The following CFAP99 variants were observed in gnomAD, a reference collection of about 807,000 sequenced individuals.
CFAP99 encodes cilia and flagella associated protein 99.
CFAP99 carries 84 observed loss-of-function variants against 82.7 expected under a neutral mutation model. The ratio of observed to expected loss-of-function variants is 1.02; its 90% CI spans 0.85 to 1.22. The LOEUF is 1.22. Among genes scored for constraint, CFAP99 ranks in the 50% most tolerant of loss-of-function variants. CFAP99 has a pLI of 0.00. For missense variants in CFAP99, 1,059 were observed against 983.5 expected (o/e 1.08, Z -1.03); for synonymous variants, 456 against 429.5 (o/e 1.06, Z -0.76).
rs368453490 is a variant in CFAP99, at chr4:2,460,257, C to T, written c.1661+15C>T. The T allele has an allele frequency of 2.0e-5, 30 of 1,534,812 alleles. No homozygotes were observed. The East Asian group carries it at 5.1e-4, about 26-fold the overall frequency. On this transcript the variant is annotated intron_variant, in intron 14 of 14. Transcript: ENST00000635017. Reference sequence around the variant, plus strand: ...GCAGCCTTGAGGTTGGTACTGGGCTCGGGGAGGGTGCCTCTGGGTGGACAG... The same window carrying T: ...GCAGCCTTGAGGTTGGTACTGGGCTTGGGGAGGGTGCCTCTGGGTGGACAG...
intron 1 of CFAP99, among the ~76,000 whole-genome samples, chr4:2,425,710 C>G (rs1733668394): frequency 6.6e-6 from 1 of 152,174 alleles, no homozygotes; most frequent in South Asian, 2.1e-4. Flanking sequence ...CTGACAGGCC[C>G]CGCCTCCTCT....
intron 4 of CFAP99, among the ~76,000 whole-genome samples, chr4:2,440,717 C>T (rs893472260): frequency 6.6e-5 from 10 of 151,828 alleles, no homozygotes; most frequent in Non-Finnish European, 1.3e-4. Context: ...CTCAGCCTCC[C>T]GAGTAGCTGG....
chr4:2,459,120 C>G, exon 13 of CFAP99: 1 of 1,521,084 alleles, frequency 6.6e-7, no homozygotes, highest in Non-Finnish European at 8.8e-7. Context: ...AGGAGGCGAT[C>G]GAGGAGAGCA....
At chr4:2,440,031 AG>A (rs1368414134) in intron 4 of CFAP99, among the ~76,000 whole-genome samples, 1 of 151,504 alleles carries the variant, frequency 6.6e-6, no homozygotes, top group Non-Finnish European at 1.5e-5. Flanking sequence ...TAGTAGAGAC[AG>A]GGTTTCACCA....
chr4:2,451,075 C>A lies in CFAP99; in HGVS notation c.867+57C>A, dbSNP rs1206610832. On this transcript the variant is annotated intron_variant, in intron 9 of 14. Coordinates refer to ENST00000635017, the Ensembl canonical transcript of CFAP99. ...CTCCCTGGGCACCCACCCCTCCAGA[C>A]CTTTTCTGCCCGTAGAGGCTCAGAT... 8.0e-5 allele frequency: 120 copies of A among 1,504,080 alleles called. 1 individual carries two copies. The highest frequency in any genetic ancestry group is 4.3e-5 in the Non-Finnish European group (48 of 1,118,014). 93.2% of individuals were successfully genotyped at this position (1,504,080 alleles called of 1,614,324 possible).
Position 2,440,702 on chromosome 4 carries a change from C to T in CFAP99, c.352-2428C>T, listed in dbSNP as rs113814009. Among the ~76,000 whole-genome samples, 530 of 152,030 alleles carry T rather than the reference C, an allele frequency of 3.5e-3. 2 individuals carry two copies. Among genetic ancestry groups the T allele is most frequent in the Non-Finnish European group, 6.5e-3 (439 of 68,006 alleles). The stretch of plus-strand genomic sequence containing the variant: ...CTGCCTCCCAGGTTCATGCCATTCT[C>T]CTGCCTCAGCCTCCCGAGTAGCTGG... On this transcript the variant is annotated intron_variant, in intron 4 of 14. Transcript: ENST00000635017.
intron 2 of CFAP99, among the ~76,000 whole-genome samples, chr4:2,434,110 C>T (rs1027192786): frequency 1.3e-5 from 2 of 152,172 alleles, no homozygotes; most frequent in East Asian, 1.9e-4. Context: ...TTTACTGCGC[C>T]GCAAGGTTGG....
At chr4:2,429,433 C>T (rs1417312837) in intron 2 of CFAP99, among the ~76,000 whole-genome samples, 3 of 152,142 alleles carry the variant, frequency 2.0e-5, no homozygotes, top group African/African-American at 7.2e-5. Flanking sequence ...TGTGCATTTC[C>T]ACGGGGAGCC....
exon 11 of CFAP99, chr4:2,452,215 G>T: frequency 6.5e-7 from 1 of 1,536,164 alleles, no homozygotes; most frequent in South Asian, 1.2e-5. Context: ...GCAGGCGAAG[G>T]ACCGGGAGGA....
At position 2,451,370 on chromosome 4, in the gene CFAP99, C is replaced by G; in HGVS notation, c.956+18C>G. ...CTGCAGAGGTGAAGGGCGGCAGGCC[C>G]CCCCACCTGCCTTCCACGGCATCAC... On this transcript the variant is annotated intron_variant, in intron 10 of 14. Coordinates refer to ENST00000635017, the Ensembl canonical transcript of CFAP99. 6.5e-7 allele frequency: 1 copy of G among 1,533,212 alleles called. No homozygotes were observed. The highest frequency in any genetic ancestry group is 1.4e-5 in the African/African-American group (1 of 73,102). The allele number at this position is 1,533,212 out of a possible 1,614,324, so 95.0% of individuals were successfully genotyped here. A position where few individuals can be genotyped will look rare whatever the true frequency, so the allele number is the denominator to read the frequency against.
chr4:2,458,130 G>T (rs1441185716), intron 11 of CFAP99, among the ~76,000 whole-genome samples: 1 of 152,226 alleles, frequency 6.6e-6, no homozygotes, highest in Non-Finnish European at 1.5e-5. Context: ...GTCTGACGCT[G>T]TGGCTGCGCG....
At chr4:2,423,203 C>T (rs1409239702) in intron 1 of CFAP99, among the ~76,000 whole-genome samples, 1 of 152,238 alleles carries the variant, frequency 6.6e-6, no homozygotes. Context: ...GCCTATTGCC[C>T]CCTGGCTGTG....
intron 11 of CFAP99, among the ~76,000 whole-genome samples, chr4:2,455,374 T>C (rs1734404557): frequency 6.6e-6 from 1 of 152,240 alleles, no homozygotes; most frequent in Non-Finnish European, 1.5e-5. Context: ...TGTTTGGAGT[T>C]AGAAAATGCC....
At chr4:2,440,544 G>C (rs1578472129) in intron 4 of CFAP99, among the ~76,000 whole-genome samples, 1 of 151,886 alleles carries the variant, frequency 6.6e-6, no homozygotes, top group African/African-American at 2.4e-5. Flanking sequence ...TTGAGCCCAG[G>C]AGATCAAGAC....
intron 11 of CFAP99, among the ~76,000 whole-genome samples, chr4:2,458,487 G>A (rs1046103872): frequency 4.1e-4 from 63 of 152,258 alleles, no homozygotes; most frequent in Non-Finnish European, 7.9e-4. Flanking sequence ...ATGCAGGAAG[G>A]TTCCCCCCAA....
At position 2,462,808 on chromosome 4, in the gene CFAP99, A is replaced by G; in HGVS notation, c.2027A>G (p.Gln676Arg). The G allele has an allele frequency of 7.6e-7, 1 of 1,315,564 alleles. No homozygotes were observed. The allele number at this position is 1,315,564 out of a possible 1,614,324, so 81.5% of individuals were successfully genotyped here. The change falls in exon 15 of 15, where the codon CAG becomes CGG. Residue 676 changes from glutamine (Q) to arginine (R), a missense_variant. By Grantham distance (43) the Gln-to-Arg change is conservative (BLOSUM62 1). Coordinates refer to ENST00000635017, the Ensembl canonical transcript of CFAP99. This position sits in a 1 kb window ranked among gnomAD's most constrained non-coding sequence, Gnocchi z 4.1. ...CGCGCCGACGCGTTCCCCGGCCTGC[A>G]GGCGCAGCTAGAGGCGCAGCACTGG... is the stretch of plus-strand genomic sequence containing the variant.
intron 11 of CFAP99, among the ~76,000 whole-genome samples, chr4:2,452,846 T>C (rs1189292015): frequency 1.3e-5 from 2 of 152,208 alleles, no homozygotes; most frequent in African/African-American, 4.8e-5. Context: ...GAAGATCACT[T>C]GAGCCTAGGA....
Position 2,458,871 on chromosome 4 carries a change from A to G in CFAP99, c.1303+7A>G, listed in dbSNP as rs901278959. ...AAGGGCCGACAGCAGACAGGTAGTC[A>G]GGAGCCAGATGTCACTGGCCCTACC... is the stretch of plus-strand genomic sequence containing the variant. On this transcript the variant is annotated splice_region_variant and intron_variant, in intron 12 of 14. Coordinates refer to ENST00000635017, the Ensembl canonical transcript of CFAP99. 5.2e-6 allele frequency: 8 copies of G among 1,533,228 alleles called. No individual in the cohort carries two copies. In the African/African-American group the frequency reaches 1.1e-4, roughly 21 times the overall value. The allele number at this position is 1,533,228 out of a possible 1,614,324, so 95.0% of individuals were successfully genotyped here. A position where few individuals can be genotyped will look rare whatever the true frequency, so the allele number is the denominator to read the frequency against.
chr4:2,445,069 C>A, intron 5 of CFAP99, 62 bp from the exon 6 acceptor site: 1 of 1,184,072 alleles, frequency 8.4e-7, no homozygotes, highest in South Asian at 3.9e-5. Flanking sequence ...TCCTAAAGGC[C>A]ATCGCCTTAT....
Sources: allele counts gnomAD v4.1 joint callset (sites outside exome capture counted in the v4.1 genomes callset), GRCh38; gene constraint gnomAD v4.1.1; non-coding constraint Gnocchi (gnomAD v3.1); transcripts MANE v1.5; gene names NCBI Gene and HGNC (gene_info 2026-07-23, HGNC 2026-07-21).